NAALADL2: variants seen among roughly 807,000 people sequenced by gnomAD.
NAALADL2 encodes N-acetylated alpha-linked acidic dipeptidase like 2.
Under a neutral mutation model 87.2 loss-of-function variants are expected in NAALADL2, and 76 were observed. The observed-to-expected ratio is 0.87, with a 90% CI of 0.72 to 1.05. NAALADL2 has a LOEUF of 1.05. Ranked by LOEUF, NAALADL2 falls within the 50% of genes least tolerant of loss-of-function variation. The pLI, the probability that NAALADL2 is intolerant of heterozygous loss-of-function variation, is 0.00. For missense variants in NAALADL2, 1,089 were observed against 945.8 expected, an observed-to-expected ratio of 1.15 and a Z score of -1.99; for synonymous variants, 354 against 331.0, an observed-to-expected ratio of 1.07 and a Z score of -0.75.
intron 2 of NAALADL2, among the ~76,000 whole-genome samples, chr3:175,138,397 T>G (rs1422159227): frequency 6.6e-6 from 1 of 152,152 alleles, no homozygotes; most frequent in Non-Finnish European, 1.5e-5. Context: ...TTTTGGATTT[T>G]TTTTTAGATT....
At chr3:175,533,614 C>T (rs182925859) in intron 9 of NAALADL2, among the ~76,000 whole-genome samples, 26 of 152,300 alleles carry the variant, frequency 1.7e-4, no homozygotes, top group Admixed American at 3.9e-4. Context: ...TCCTCCCACA[C>T]GTCCCCATTC....
Position 175,498,727 on chromosome 3 carries a change from G to A in NAALADL2, c.1653+26969G>A, listed in dbSNP as rs6773590. On this transcript the variant is annotated intron_variant, in intron 9 of 13. Transcript: ENST00000454872. ...CCTGCTGATTTACATTTTAGGGGCA[G>A]TATTTAAAAAGCTATTTGCACCAGA... 3.5e-3 allele frequency among the ~76,000 whole-genome samples: 527 copies of A among 152,054 alleles called. 1 individual carries two copies. The highest frequency in any genetic ancestry group is 5.3e-3 in the Non-Finnish European group (362 of 67,944).
chr3:174,794,474 G>A (rs1176443484), intron 3 of NAALADL2, among the ~76,000 whole-genome samples: 3 of 148,764 alleles, frequency 2.0e-5, no homozygotes, highest in Admixed American at 6.7e-5. Context: ...AAGAAAAAAT[G>A]TGTAATTTTT....
chr3:174,528,351 CA>C (rs1361082894), intron 1 of NAALADL2, among the ~76,000 whole-genome samples: 10 of 152,072 alleles, frequency 6.6e-5, no homozygotes, highest in African/African-American at 2.2e-4. Flanking sequence ...ATGTAGTCAC[CA>C]GGCATAGTGG....
chr3:175,558,944 T>TG, intron 9 of NAALADL2, among the ~76,000 whole-genome samples: 1 of 152,318 alleles, frequency 6.6e-6, no homozygotes, highest in South Asian at 2.1e-4. Context: ...AAGATTTTTT[T>TG]GTTCTATTTA....
chr3:174,640,155 A>G (rs969564109), intron 2 of NAALADL2, among the ~76,000 whole-genome samples: 1 of 152,210 alleles, frequency 6.6e-6, no homozygotes, highest in Non-Finnish European at 1.5e-5. Flanking sequence ...TTTCTCAATC[A>G]TGGGTGCCCA....
intron 10 of NAALADL2, among the ~76,000 whole-genome samples, chr3:175,610,286 C>T (rs1724435499): frequency 6.6e-6 from 1 of 152,032 alleles, no homozygotes; most frequent in Non-Finnish European, 1.5e-5. Context: ...TGGCATTTAT[C>T]TACATTTCTG....
intron 7 of NAALADL2, among the ~76,000 whole-genome samples, chr3:175,465,101 A>T (rs1453675880): frequency 1.3e-5 from 2 of 152,064 alleles, no homozygotes; most frequent in African/African-American, 4.8e-5. Flanking sequence ...TTGACTATTT[A>T]ATTAGCCGGG....
At chr3:175,471,474 C>CAAAA (rs368173654) in intron 8 of NAALADL2, among the ~76,000 whole-genome samples, 165 bp from the exon 9 acceptor site, 4 of 59,980 alleles carry the variant, frequency 6.7e-5, no homozygotes, top group Admixed American at 1.8e-4. Context: ...GAGTCTGTCT[C>CAAAA]AAAAAAAAAA....
chr3:175,514,916 C>T (rs578248235), intron 9 of NAALADL2, among the ~76,000 whole-genome samples: 3 of 152,188 alleles, frequency 2.0e-5, no homozygotes, highest in Non-Finnish European at 4.4e-5. Context: ...CTCTATAGCA[C>T]AGTGTCTCTT....
rs1310921424 is a variant in NAALADL2, at chr3:175,794,573, T to A, written c.2190-8432T>A. Among the ~76,000 whole-genome samples the A allele has an allele frequency of 2.0e-5, 3 of 152,196 alleles. No homozygotes were observed. The East Asian group carries it at 5.8e-4, about 29-fold the overall frequency. ...CAGTGGAATGGGAGTCTTACTTGAA[T>A]ATCCTAAAAGATAACTTCTTACTCA... On this transcript the variant is annotated intron_variant, in intron 13 of 13. Coordinates refer to ENST00000454872, the MANE Select transcript of NAALADL2 (RefSeq NM_207015.3).
rs374423705 is a variant in NAALADL2 at position 175,674,298 on chromosome 3, C to A, written c.1896+46912C>A. On this transcript the variant is annotated intron_variant, in intron 11 of 13. Coordinates refer to ENST00000454872, the MANE Select transcript of NAALADL2 (RefSeq NM_207015.3). The stretch of plus-strand genomic sequence containing the variant: ...TTTTTGAGTTGGAGTCTATCTCTGT[C>A]GCCCAGGCTGGAGTGCAGTGGCGCG... Among the ~76,000 whole-genome samples the A allele has an allele frequency of 1.6e-4, 24 of 146,170 alleles. No homozygotes were observed. In the South Asian group the frequency reaches 5.1e-3, roughly 31 times the overall value.
At chr3:174,629,005 ATTG>A (rs1355843545) in intron 2 of NAALADL2, among the ~76,000 whole-genome samples, 7 of 152,214 alleles carry the variant, frequency 4.6e-5, no homozygotes, top group African/African-American at 1.7e-4. Flanking sequence ...TATAAAACTA[ATTG>A]TTGTTAAACT....
chr3:174,814,560 A>G (rs754499547), intron 3 of NAALADL2, among the ~76,000 whole-genome samples: 10 of 152,242 alleles, frequency 6.6e-5, no homozygotes, highest in Non-Finnish European at 1.2e-4. Context: ...CTTGTGTGTG[A>G]TTTTTAAGGT....
chr3:175,388,559 G>A (rs1253148101), intron 5 of NAALADL2, among the ~76,000 whole-genome samples: 3 of 152,100 alleles, frequency 2.0e-5, no homozygotes, highest in African/African-American at 7.2e-5. Flanking sequence ...TCTAAAGATT[G>A]TAAATAACCA....
At chr3:175,789,860 C>T (rs967231387) in intron 13 of NAALADL2, among the ~76,000 whole-genome samples, 2 of 152,060 alleles carry the variant, frequency 1.3e-5, no homozygotes, top group Admixed American at 6.6e-5. Flanking sequence ...GCTAAACATC[C>T]ATGAAACTCA....
chr3:175,669,106 T>C (rs974838311), intron 11 of NAALADL2, among the ~76,000 whole-genome samples: 1 of 152,090 alleles, frequency 6.6e-6, no homozygotes, highest in East Asian at 1.9e-4. Context: ...AGCATATCTA[T>C]TGTCATATAT....
At chr3:175,005,105 G>T (rs1404009269) in intron 1 of NAALADL2, among the ~76,000 whole-genome samples, 1 of 152,094 alleles carries the variant, frequency 6.6e-6, no homozygotes, top group Admixed American at 6.6e-5. Flanking sequence ...ACTGTCAGTT[G>T]TTATTTCTAT....
At chr3:174,931,307 T>C (rs756087670) in intron 1 of NAALADL2, among the ~76,000 whole-genome samples, 2 of 152,186 alleles carry the variant, frequency 1.3e-5, no homozygotes, top group Non-Finnish European at 2.9e-5. Context: ...GCCAGGTACC[T>C]GGTTTGGATT....
Sources: allele counts gnomAD v4.1 joint callset (sites outside exome capture counted in the v4.1 genomes callset), GRCh38; gene constraint gnomAD v4.1.1; transcripts MANE v1.5; gene names NCBI Gene and HGNC (gene_info 2026-07-23, HGNC 2026-07-21).